KPNA1: variants seen among roughly 807,000 people sequenced by gnomAD.
KPNA1 encodes karyopherin subunit alpha 1, also known as importin subunit alpha-5.
In KPNA1, 10 loss-of-function variants were observed where a neutral mutation model predicts 70.5. The ratio of observed to expected loss-of-function variants is 0.14; its 90% confidence interval spans 0.09 to 0.24. KPNA1 has a LOEUF of 0.24. Ranked by LOEUF, KPNA1 falls within the 10% of genes least tolerant of loss-of-function variation. The pLI, the probability that KPNA1 is intolerant of heterozygous loss-of-function variation, is 1.00. For synonymous variants in KPNA1, 192 were observed against 221.9 expected (o/e 0.87, Z 1.20); for missense variants, 397 against 637.9 (o/e 0.62, Z 4.07).
intron 12 of KPNA1, among the ~76,000 whole-genome samples, chr3:122,428,378 ATGTT>A (rs772574915): frequency 1.3e-5 from 2 of 152,166 alleles, no homozygotes; most frequent in Admixed American, 6.5e-5. Flanking sequence ...CATTATGTGA[ATGTT>A]TGGTAAGGTC....
chr3:122,481,227 G>T (rs548134378), intron 2 of KPNA1, among the ~76,000 whole-genome samples: 1 of 152,206 alleles, frequency 6.6e-6, no homozygotes, highest in South Asian at 2.1e-4. Context: ...ACAAAAACTT[G>T]TATGTGTTCA....
chr3:122,449,286 G>A (rs1304679037), intron 9 of KPNA1, among the ~76,000 whole-genome samples: 9 of 152,236 alleles, frequency 5.9e-5, no homozygotes, highest in South Asian at 4.1e-4. Context: ...TCTGATGTCC[G>A]GTGGTTGATC....
intron 9 of KPNA1, among the ~76,000 whole-genome samples, chr3:122,447,019 C>T (rs1439201344): frequency 6.6e-6 from 1 of 152,096 alleles, no homozygotes; most frequent in African/African-American, 2.4e-5. Flanking sequence ...GAAATTGAGG[C>T]AGTAATTAAT....
chr3:122,467,006 C>CATAAATAAATAA (rs71136571), intron 3 of KPNA1, among the ~76,000 whole-genome samples: 24 of 142,046 alleles, frequency 1.7e-4, no homozygotes, highest in East Asian at 8.2e-4. Flanking sequence ...GTCTCTAAAA[C>CATAAATAAATAA]ATAAATAAAT....
intron 8 of KPNA1, among the ~76,000 whole-genome samples, chr3:122,451,111 C>T (rs904042107): frequency 6.6e-6 from 1 of 151,760 alleles, no homozygotes; most frequent in African/African-American, 2.4e-5. Context: ...AACTCATGTA[C>T]CTAAACACCA....
chr3:122,461,639 T>C (rs1026917394), intron 4 of KPNA1, among the ~76,000 whole-genome samples: 1 of 152,224 alleles, frequency 6.6e-6, no homozygotes, highest in African/African-American at 2.4e-5. Context: ...AGTGTTCTGG[T>C]ATACTTCCTT....
intron 11 of KPNA1, among the ~76,000 whole-genome samples, chr3:122,436,832 C>T (rs2075995083): frequency 6.6e-6 from 1 of 152,190 alleles, no homozygotes; most frequent in Non-Finnish European, 1.5e-5. Flanking sequence ...GGATGGAGTA[C>T]AGTGGCACAA....
rs1320184245 is a variant in KPNA1 at position 122,424,347 on chromosome 3, TAC to T, written c.*2636_*2637del. The T allele has an allele frequency of 2.0e-5, 3 of 152,176 alleles. No homozygotes were observed. Among genetic ancestry groups the T allele is most frequent in the Admixed American group, 6.5e-5 (1 of 15,274 alleles). The allele number at this position is 152,176 out of a possible 1,614,324, so 9.4% of individuals were successfully genotyped here. ...GAGGCAAAGAACTAAAAACAGGATA[TAC>T]AGTTACCCCTTAAAATGTCATTTCT... On this transcript the variant is annotated 3_prime_UTR_variant, in exon 14 of 14. Transcript: ENST00000344337.
intron 6 of KPNA1, among the ~76,000 whole-genome samples, chr3:122,452,967 A>T (rs2076228000): frequency 6.6e-6 from 1 of 151,748 alleles, no homozygotes; most frequent in Non-Finnish European, 1.5e-5. Flanking sequence ...TTTTTTTTTG[A>T]GATAGGTCTC....
intron 8 of KPNA1, among the ~76,000 whole-genome samples, chr3:122,451,321 G>A (rs541805011): frequency 6.6e-6 from 1 of 152,062 alleles, no homozygotes; most frequent in Non-Finnish European, 1.5e-5. Flanking sequence ...CAGTCCCATC[G>A]TAAATGTGCA....
rs1576281763 is a variant in KPNA1 at position 122,437,057 on chromosome 3, G to C, written c.1122+113C>G. ...AGCCTCCCAGAGTGCTGGGATTACA[G>C]GCAGGAGCCACCGCACCCAGCCAAA... On this transcript the variant is annotated intron_variant, in intron 11 of 13. Coordinates refer to ENST00000344337, the MANE Select transcript of KPNA1 (RefSeq NM_002264.4). The C allele has an allele frequency of 3.5e-5, 37 of 1,051,606 alleles. No homozygotes were observed. In the East Asian group the frequency reaches 8.8e-4, roughly 25 times the overall value. 65.1% of individuals were successfully genotyped at this position (1,051,606 alleles called of 1,614,324 possible). A position where few individuals can be genotyped will look rare whatever the true frequency, so the allele number is the denominator to read the frequency against.
chr3:122,446,723 T>C (rs935628937), intron 9 of KPNA1, among the ~76,000 whole-genome samples: 6 of 151,962 alleles, frequency 3.9e-5, no homozygotes, highest in African/African-American at 1.5e-4. Context: ...AAAAAATAAA[T>C]GAATCCAGGA....
At chr3:122,495,262 C>CAAAAAAAAAAAAAAAAAAAAAAAA (rs748751423) in intron 2 of KPNA1, among the ~76,000 whole-genome samples, 13 of 86,386 alleles carry the variant, frequency 1.5e-4, no homozygotes, top group East Asian at 3.8e-4. Flanking sequence ...TCAAACAAAC[C>CAAAAAAAAAAAAAAAAAAAAAAAA]AAAAAAAAAA....
In KPNA1 at chr3:122,426,934, C is replaced by T. The variant is rs1361012656; in HGVS notation, c.*51G>A. On this transcript the variant is annotated 3_prime_UTR_variant, in exon 14 of 14. Coordinates refer to ENST00000344337, the MANE Select transcript of KPNA1 (RefSeq NM_002264.4). Reference sequence around the variant, plus strand: ...GAGGACTGTGGGCTCCACAAGAGGACTCGACTGGGTAGCCTGGTCTGACAC... The same window carrying T: ...GAGGACTGTGGGCTCCACAAGAGGATTCGACTGGGTAGCCTGGTCTGACAC... 1 of 1,480,332 alleles carries T rather than the reference C, an allele frequency of 6.8e-7. No homozygotes were observed. The highest frequency in any genetic ancestry group is 9.4e-7 in the Non-Finnish European group (1 of 1,067,542). The allele number at this position is 1,480,332 out of a possible 1,614,324, so 91.7% of individuals were successfully genotyped here. A position where few individuals can be genotyped will look rare whatever the true frequency, so the allele number is the denominator to read the frequency against.
At chr3:122,494,943 T>C (rs1267928040) in intron 2 of KPNA1, among the ~76,000 whole-genome samples, 1 of 151,980 alleles carries the variant, frequency 6.6e-6, no homozygotes, top group Admixed American at 6.6e-5. Context: ...TGAATATAAA[T>C]ATATAATCAT....
chr3:122,450,268 T>C (rs933782970), intron 8 of KPNA1, among the ~76,000 whole-genome samples: 3 of 151,990 alleles, frequency 2.0e-5, no homozygotes, highest in African/African-American at 4.8e-5. Context: ...AAAGAAGATA[T>C]ACAAATAGCC....
At chr3:122,471,786 C>G (rs1020183060) in intron 2 of KPNA1, among the ~76,000 whole-genome samples, 3 of 151,694 alleles carry the variant, frequency 2.0e-5, no homozygotes, top group African/African-American at 7.3e-5. Context: ...CAGGGCGAGA[C>G]TGTCTCAAAA....
intron 10 of KPNA1, among the ~76,000 whole-genome samples, chr3:122,440,869 G>T (rs527798725): frequency 9.2e-5 from 14 of 152,274 alleles, no homozygotes; most frequent in African/African-American, 3.1e-4. Context: ...ATAAGCAGAG[G>T]TTCAGGTAAT....
chr3:122,494,623 T>G (rs1365808752), intron 2 of KPNA1, among the ~76,000 whole-genome samples: 1 of 152,212 alleles, frequency 6.6e-6, no homozygotes, highest in Non-Finnish European at 1.5e-5. Flanking sequence ...GGCTCTTTTT[T>G]GGTTCTGTAT....
Sources: allele counts gnomAD v4.1 joint callset (sites outside exome capture counted in the v4.1 genomes callset), GRCh38; gene constraint gnomAD v4.1.1; transcripts MANE v1.5; gene names NCBI Gene and HGNC (gene_info 2026-07-23, HGNC 2026-07-21).